The following RBPJ variants were observed in gnomAD, a reference collection of about 807,000 sequenced individuals.
The protein encoded by RBPJ is recombination signal binding protein for immunoglobulin kappa J region, also known as recombining binding protein suppressor of hairless.
RBPJ carries 9 observed loss-of-function variants against 67.8 expected under a neutral mutation model. That is an observed-to-expected ratio of 0.13 (90% CI 0.08 to 0.23). The LOEUF is 0.23. Ranked by LOEUF, RBPJ falls within the 10% of genes least tolerant of loss-of-function variation. The pLI, the probability that RBPJ is intolerant of heterozygous loss-of-function variation, is 1.00. For missense variants in RBPJ, 305 were observed against 595.6 expected, an observed-to-expected ratio of 0.51 and a Z score of 5.08; for synonymous variants, 198 against 203.3, an observed-to-expected ratio of 0.97 and a Z score of 0.22.
chr4:26,313,196 T>C (rs920865025), intron 1 of RBPJ, among the ~76,000 whole-genome samples: 24 of 152,314 alleles, frequency 1.6e-4, no homozygotes, highest in East Asian at 1.9e-4. Flanking sequence ...GTGCTGGAAT[T>C]ACAAGCATGA....
At chr4:26,121,676 G>A in the RBPJ span, among the ~76,000 whole-genome samples, 2 of 151,918 alleles carry the variant, frequency 1.3e-5, no homozygotes, top group African/African-American at 4.8e-5. Flanking sequence ...TAACCAAAAT[G>A]GAAAAAAAAC....
At chr4:26,197,346 C>G (rs1717805610) in intron 1 of RBPJ, among the ~76,000 whole-genome samples, 1 of 152,124 alleles carries the variant, frequency 6.6e-6, no homozygotes, top group Non-Finnish European at 1.5e-5. Flanking sequence ...GGACCTCTGC[C>G]CCATCCCGGT....
At chr4:26,312,811 T>TATTA (rs1249899768) in intron 1 of RBPJ, among the ~76,000 whole-genome samples, 1 of 152,220 alleles carries the variant, frequency 6.6e-6, no homozygotes, top group Non-Finnish European at 1.5e-5. Context: ...AATATCAAGA[T>TATTA]GATGCCTGAC....
chr4:26,166,988 CTTGT>C (rs1376821718), intron 1 of RBPJ, among the ~76,000 whole-genome samples: 2 of 152,168 alleles, frequency 1.3e-5, no homozygotes, highest in African/African-American at 4.8e-5. Context: ...TTCCCCATTG[CTTGT>C]TTTTCTCAGG....
At position 26,215,274 on chromosome 4, in the gene RBPJ, A is replaced by AGGGAGG. The variant is rs1174307685; in HGVS notation, c.-167+51660_-167+51661insGGGAGG. 2.4e-5 allele frequency among the ~76,000 whole-genome samples: 2 copies of AGGGAGG among 83,850 alleles called. 1 individual carries two copies. The highest frequency in any genetic ancestry group is 4.3e-5 in the Non-Finnish European group (2 of 46,832). The allele number at this position is 83,850 out of a possible 152,430, so 55.0% of individuals were successfully genotyped here. A position where few individuals can be genotyped will look rare whatever the true frequency, so the allele number is the denominator to read the frequency against. On this transcript the variant is annotated intron_variant, in intron 1 of 4. Coordinates refer to the RBPJ transcript ENST00000512351. ...AAGAAAGAAAGGAAGGGAGGGAGGA[A>AGGGAGG]AAAGAGAGAGAAAGAAAGAGAAAAA...
chr4:26,320,725 G>GTC (rs761075824), upstream of RBPJ: 28 of 1,548,464 alleles, frequency 1.8e-5, no homozygotes, highest in Non-Finnish European at 1.6e-5. Context: ...CTCAAAGCGC[G>GTC]TCCTAAAACC....
chr4:26,373,364 C>T (rs1055986602), intron 1 of RBPJ, among the ~76,000 whole-genome samples: 1 of 152,156 alleles, frequency 6.6e-6, no homozygotes, highest in African/African-American at 2.4e-5. Flanking sequence ...TAGCTTAACC[C>T]CTTATAAACC....
rs1196631392 is a variant in RBPJ, at chr4:26,212,323, T to C, written c.-167+48709T>C. Among the ~76,000 whole-genome samples, 4 of 152,046 alleles carry C rather than the reference T, an allele frequency of 2.6e-5. 1 individual carries two copies. The highest frequency in any genetic ancestry group is 2.6e-4 in the Admixed American group (4 of 15,248). On this transcript the variant is annotated intron_variant, in intron 1 of 4. Coordinates refer to the RBPJ transcript ENST00000512351. ...GTTCCTGGCTCATAACTTCCATGGC[T>C]CTTGTTACAGGCTATTATTACAATG...
intron 1 of RBPJ, among the ~76,000 whole-genome samples, chr4:26,359,138 A>C (rs954664341): frequency 2.0e-5 from 3 of 152,160 alleles, no homozygotes; most frequent in Admixed American, 2.0e-4. Context: ...ATTTTTCTTG[A>C]TCTCACGGAA....
upstream of RBPJ, among the ~76,000 whole-genome samples, chr4:26,316,332 TAC>T (rs1722611873): frequency 6.8e-6 from 1 of 147,508 alleles, no homozygotes; most frequent in African/African-American, 2.5e-5. Flanking sequence ...TTCATATATA[TAC>T]ATTCATATAT....
chr4:26,215,409 A>AGGAGGG (rs1560214919), intron 1 of RBPJ, among the ~76,000 whole-genome samples: 1 of 11,082 alleles, frequency 9.0e-5, no homozygotes, highest in East Asian at 0.019. Context: ...AAGGGGGGGG[A>AGGAGGG]AGGAAGGAAG....
At chr4:26,109,577 C>CTATA in the RBPJ span, among the ~76,000 whole-genome samples, 2 of 49,556 alleles carry the variant, frequency 4.0e-5, no homozygotes, top group African/African-American at 9.5e-5. Context: ...CTCTCTCTCT[C>CTATA]TCTATATATA....
At chr4:26,321,122 G>T in intron 1 of RBPJ, 74 bp downstream of exon 1, 1 of 1,265,330 alleles carries the variant, frequency 7.9e-7, no homozygotes. Flanking sequence ...CGGGCAGCGG[G>T]TTCGGGGGCC....
chr4:26,125,064 G>C, the RBPJ span, among the ~76,000 whole-genome samples: 5 of 152,188 alleles, frequency 3.3e-5, no homozygotes, highest in South Asian at 4.1e-4. Flanking sequence ...AAGGGAAAAA[G>C]GGGGAAGGGA....
chr4:26,252,946 A>C lies in RBPJ; in HGVS notation c.-167+89332A>C, dbSNP rs371044432. 1.4e-4 allele frequency among the ~76,000 whole-genome samples: 22 copies of C among 152,372 alleles called. No homozygotes were observed. The East Asian group carries it at 3.5e-3, about 24-fold the overall frequency. ...CCTGGCTCTACTATATAAAAAACCC[A>C]GCTGCTTTTTCACTAGAGATTTATA... On this transcript the variant is annotated intron_variant, in intron 1 of 4. Transcript: ENST00000512351.
intron 1 of RBPJ, among the ~76,000 whole-genome samples, chr4:26,238,163 G>A (rs1250202549): frequency 1.3e-5 from 2 of 152,154 alleles, no homozygotes; most frequent in East Asian, 1.9e-4. Context: ...CCAGCCTCAA[G>A]TAATCCTCCC....
the RBPJ span, among the ~76,000 whole-genome samples, chr4:26,147,400 C>G: frequency 6.6e-6 from 1 of 152,206 alleles, no homozygotes; most frequent in Admixed American, 6.5e-5. Flanking sequence ...TCTGTTACCT[C>G]TGCTTTTGCC....
rs578013357 is a variant in RBPJ at position 26,393,926 on chromosome 4, C to A, written c.59+7535C>A. Among the ~76,000 whole-genome samples the A allele has an allele frequency of 1.7e-4, 26 of 151,944 alleles. No homozygotes were observed. In the South Asian group the frequency reaches 5.0e-3, roughly 29 times the overall value. ...AAAAGCATCCTGTTGTGAAGGTCAT[C>A]TTTTAGGTAGTGTTCTAAACATAGT... On this transcript the variant is annotated intron_variant, in intron 2 of 10. Transcript: ENST00000355476.
chr4:26,200,701 G>A (rs1207742172), intron 1 of RBPJ, among the ~76,000 whole-genome samples: 1 of 151,786 alleles, frequency 6.6e-6, no homozygotes, highest in African/African-American at 2.4e-5. Context: ...CAGATCCAAT[G>A]CCCACTGTAC....
Sources: allele counts gnomAD v4.1 joint callset (sites outside exome capture counted in the v4.1 genomes callset), GRCh38; gene constraint gnomAD v4.1.1; transcripts MANE v1.5; gene names NCBI Gene and HGNC (gene_info 2026-07-23, HGNC 2026-07-21).